The following PRELID2 variants were observed in gnomAD, a reference collection of about 807,000 sequenced individuals.
PRELID2 encodes the protein PRELI domain-containing protein 2.
In PRELID2, 25 loss-of-function variants were observed where a neutral mutation model predicts 28.4. The observed-to-expected ratio is 0.88, with a 90% confidence interval of 0.64 to 1.23. The LOEUF (loss-of-function observed/expected upper bound fraction) is 1.23, where lower values mean the gene tolerates loss of function less well. Among genes scored for constraint, PRELID2 ranks in the 50% most tolerant of loss-of-function variants. The pLI is 0.00. For synonymous variants in PRELID2, 76 were observed against 71.6 expected, an observed-to-expected ratio of 1.06 and a Z score of -0.31; for missense variants, 201 against 214.4, an observed-to-expected ratio of 0.94 and a Z score of 0.39.
downstream of PRELID2, among the ~76,000 whole-genome samples, chr5:145,468,662 T>C (rs1242458065): frequency 6.6e-6 from 1 of 152,238 alleles, no homozygotes; most frequent in Non-Finnish European, 1.5e-5. Flanking sequence ...ATTTCTCTGA[T>C]GGCCAGTGAT....
the PRELID2 span, among the ~76,000 whole-genome samples, chr5:145,466,397 A>T: frequency 3.3e-5 from 5 of 152,294 alleles, no homozygotes; most frequent in Non-Finnish European, 5.9e-5. Context: ...CATTTAGTTT[A>T]CTACTTGGAA....
chr5:145,467,450 A>G (rs1752011940), downstream of PRELID2, among the ~76,000 whole-genome samples: 1 of 152,188 alleles, frequency 6.6e-6, no homozygotes, highest in Non-Finnish European at 1.5e-5. Context: ...ATCCTAAAAA[A>G]AAGAATGAAA....
At chr5:145,286,410 A>G in the PRELID2 span, among the ~76,000 whole-genome samples, 1 of 152,176 alleles carries the variant, frequency 6.6e-6, no homozygotes, top group African/African-American at 2.4e-5. Flanking sequence ...ATGTTATTTC[A>G]TTAGAGCAAT....
At chr5:145,722,803 A>G (rs1756028053) in intron 1 of PRELID2, among the ~76,000 whole-genome samples, 3 of 152,068 alleles carry the variant, frequency 2.0e-5, no homozygotes, top group African/African-American at 7.2e-5. Context: ...CCCGGCCCCA[A>G]ATTAATAATT....
At chr5:145,689,448 CT>C (rs1262076541) in intron 1 of PRELID2, among the ~76,000 whole-genome samples, 13 of 152,248 alleles carry the variant, frequency 8.5e-5, no homozygotes, top group African/African-American at 3.1e-4. Context: ...AGCTTCCTCT[CT>C]CTCATTGGCA....
the PRELID2 span, among the ~76,000 whole-genome samples, chr5:145,400,833 C>T: frequency 6.6e-6 from 1 of 152,092 alleles, no homozygotes; most frequent in Non-Finnish European, 1.5e-5. Context: ...GACAGAATTT[C>T]AAAGCATTCC....
chr5:145,571,720 G>A (rs950672276), intron 1 of PRELID2, among the ~76,000 whole-genome samples: 2 of 152,102 alleles, frequency 1.3e-5, no homozygotes, highest in African/African-American at 2.4e-5. Context: ...GGTGGTTCAC[G>A]CCTCTAATCC....
intron 1 of PRELID2, among the ~76,000 whole-genome samples, chr5:145,618,058 T>C (rs1224960986): frequency 6.6e-6 from 1 of 152,150 alleles, no homozygotes; most frequent in East Asian, 1.9e-4. Flanking sequence ...ATGTTATCTA[T>C]TTCATTGAAT....
chr5:145,542,138 G>A (rs1752749290), intron 1 of PRELID2, among the ~76,000 whole-genome samples: 1 of 152,048 alleles, frequency 6.6e-6, no homozygotes, highest in South Asian at 2.1e-4. Context: ...CCCCTAATCT[G>A]TCACCTCCAG....
the PRELID2 span, among the ~76,000 whole-genome samples, chr5:145,337,686 A>AATATATATAT: frequency 9.5e-4 from 76 of 79,848 alleles, no homozygotes; most frequent in Non-Finnish European, 1.2e-3. Flanking sequence ...GCATAGGGCA[A>AATATATATAT]ATATATATAT....
At chr5:145,417,020 A>C in the PRELID2 span, among the ~76,000 whole-genome samples, 1 of 152,076 alleles carries the variant, frequency 6.6e-6, no homozygotes, top group Non-Finnish European at 1.5e-5. Flanking sequence ...AGCTAGACAC[A>C]TAAAGAAGAA....
At chr5:145,711,882 A>C (rs1581086367) in intron 1 of PRELID2, among the ~76,000 whole-genome samples, 1 of 152,214 alleles carries the variant, frequency 6.6e-6, no homozygotes, top group African/African-American at 2.4e-5. Context: ...AGAACGCCCC[A>C]GTGACCCAGT....
chr5:145,684,280 C>G (rs77330129), intron 1 of PRELID2, among the ~76,000 whole-genome samples: 5,179 of 152,268 alleles, frequency 0.034, 290 homozygotes, highest in African/African-American at 0.12. Context: ...CCAGGCTCAA[C>G]AAACCAATCT....
chr5:145,464,865 T>C, the PRELID2 span, among the ~76,000 whole-genome samples: 1 of 152,144 alleles, frequency 6.6e-6, no homozygotes, highest in Non-Finnish European at 1.5e-5. Flanking sequence ...GGATTTAATA[T>C]TTTTAATATT....
chr5:145,654,568 G>T (rs1754357729), intron 1 of PRELID2, among the ~76,000 whole-genome samples: 1 of 152,162 alleles, frequency 6.6e-6, no homozygotes, highest in Non-Finnish European at 1.5e-5. Flanking sequence ...CTGGGCTTCA[G>T]CCCTGGGATG....
chr5:145,553,192 CCA>C (rs202181285), intron 1 of PRELID2, among the ~76,000 whole-genome samples: 2,353 of 138,796 alleles, frequency 0.017, 35 homozygotes, highest in African/African-American at 0.04. Flanking sequence ...ACCCCCCCCC[CCA>C]AAAAAAAAGG....
At chr5:145,594,139 T>C (rs1208363831) in intron 1 of PRELID2, among the ~76,000 whole-genome samples, 4 of 152,146 alleles carry the variant, frequency 2.6e-5, no homozygotes, top group Non-Finnish European at 5.9e-5. Flanking sequence ...TTGATAAGCA[T>C]CCATAGAGGC....
At chr5:145,328,361 C>T in the PRELID2 span, among the ~76,000 whole-genome samples, 2 of 152,200 alleles carry the variant, frequency 1.3e-5, no homozygotes, top group Non-Finnish European at 2.9e-5. Context: ...AAACACCACA[C>T]AGTCTTCTAA....
intron 1 of PRELID2, among the ~76,000 whole-genome samples, chr5:145,592,572 T>C (rs1244073996): frequency 6.6e-6 from 1 of 152,104 alleles, no homozygotes; most frequent in Non-Finnish European, 1.5e-5. Context: ...ACTCTACATC[T>C]AAAAAAGAGG....
Sources: allele counts gnomAD v4.1 joint callset (sites outside exome capture counted in the v4.1 genomes callset), GRCh38; gene constraint gnomAD v4.1.1; transcripts MANE v1.5; gene names NCBI Gene and HGNC (gene_info 2026-07-23, HGNC 2026-07-21).